Variants in ANK2 observed in about 807,000 individuals in gnomAD.
ANK2 encodes the protein ankyrin-2.
A neutral mutation model predicts 360.5 loss-of-function variants in ANK2; 83 were observed. That is an observed-to-expected ratio of 0.23 (90% confidence interval 0.19 to 0.28). The LOEUF (loss-of-function observed/expected upper bound fraction) is 0.28. Among genes scored for constraint, ANK2 ranks in the 10% least tolerant of loss-of-function variants. ANK2 has a pLI of 1.00. For missense variants in ANK2, 4,201 were observed against 4,795.7 expected (o/e 0.88, Z 3.66); for synonymous variants, 1,740 against 1,759.5 (o/e 0.99, Z 0.28).
intron 4 of ANK2, among the ~76,000 whole-genome samples, chr4:113,231,687 T>A (rs1326652491): frequency 2.0e-5 from 3 of 151,314 alleles, no homozygotes; most frequent in Non-Finnish European, 4.4e-5. Flanking sequence ...CACTGCAACC[T>A]CCGCTTCCCA....
chr4:112,907,500 C>A (rs555750623), intron 2 of ANK2, among the ~76,000 whole-genome samples: 3 of 152,326 alleles, frequency 2.0e-5, no homozygotes, highest in East Asian at 3.9e-4. Context: ...TCTTTCCCCT[C>A]CTCCTCATCC....
At position 113,199,068 on chromosome 4, in the gene ANK2, G is replaced by A. The variant is rs869025359; in HGVS notation, c.343G>A (p.Val115Ile). ...SLAGQAEVVKVLVKEGANINA... is the reference protein window; with the variant it reads ...SLAGQAEVVKILVKEGANINA... ...GGCTGGACAAGCAGAAGTTGTCAAA[G>A]TTCTTGTTAAGGAAGGAGCCAATAT... The change falls in exon 4 of 46, where the codon GTT (valine) becomes ATT (isoleucine). Residue 115 changes from valine to isoleucine, a missense_variant. Physicochemically the swap from Val to Ile is conservative, Grantham distance 29. Around this residue, in one of 4 missense-constraint regions of ANK2, gnomAD observed 169 missense variants for 191.1 expected, o/e 0.88. Transcript: ENST00000357077. 4 of 1,613,436 alleles carry A rather than the reference G, an allele frequency of 2.5e-6. No individual in the cohort carries two copies. The highest frequency in any genetic ancestry group is 3.3e-4 in the Middle Eastern group (2 of 6,058).
chr4:113,169,578 A>C (rs541426852), intron 1 of ANK2, among the ~76,000 whole-genome samples: 2 of 152,252 alleles, frequency 1.3e-5, no homozygotes, highest in Non-Finnish European at 2.9e-5. Context: ...TGTAGGGCGC[A>C]CCATAAGCCA....
At chr4:112,989,143 T>C (rs767628411) in intron 2 of ANK2, among the ~76,000 whole-genome samples, 4 of 152,234 alleles carry the variant, frequency 2.6e-5, no homozygotes, top group Non-Finnish European at 5.9e-5. Context: ...AGAGATCTTG[T>C]TCTGCTCATA....
intron 2 of ANK2, among the ~76,000 whole-genome samples, chr4:112,989,866 G>A (rs1047417759): frequency 1.3e-5 from 2 of 152,050 alleles, no homozygotes; most frequent in Non-Finnish European, 2.9e-5. Context: ...AGTTCATGAC[G>A]GTATCCTTCC....
At chr4:112,763,303 A>T in the ANK2 span, among the ~76,000 whole-genome samples, 1 of 148,616 alleles carries the variant, frequency 6.7e-6, no homozygotes, top group South Asian at 2.1e-4. Context: ...ATCTCCGCTC[A>T]CTGCAAGCTC....
At chr4:113,224,800 G>T (rs1036936103) in intron 4 of ANK2, among the ~76,000 whole-genome samples, 1 of 151,204 alleles carries the variant, frequency 6.6e-6, no homozygotes, top group African/African-American at 2.4e-5. Flanking sequence ...TAGCTGAGTG[G>T]TAATATTGTA....
the ANK2 span, among the ~76,000 whole-genome samples, chr4:112,785,405 GCT>G: frequency 6.7e-6 from 1 of 149,216 alleles, no homozygotes; most frequent in African/African-American, 2.5e-5. Flanking sequence ...ACGGAGTCTT[GCT>G]CTGTCACCCA....
At chr4:113,336,107 A>G (rs368001311) in intron 30 of ANK2, 50 bp downstream of exon 30, 8 of 1,584,612 alleles carry the variant, frequency 5.0e-6, no homozygotes, top group South Asian at 1.1e-5. Context: ...TATTCTAATG[A>G]TTAAAAATTA....
intron 2 of ANK2, chr4:112,980,646 T>C (rs1402729619): frequency 6.6e-6 from 1 of 152,250 alleles, no homozygotes; most frequent in Non-Finnish European, 1.5e-5. Flanking sequence ...CTGAATGCTG[T>C]AATCAAAATA....
intron 34 of ANK2, among the ~76,000 whole-genome samples, chr4:113,345,138 AT>A: frequency 6.6e-6 from 1 of 152,218 alleles, no homozygotes; most frequent in Admixed American, 6.5e-5. Flanking sequence ...ATTCTGACAC[AT>A]GATGCAATAT....
chr4:113,283,228 A>G (rs899603472), intron 18 of ANK2, among the ~76,000 whole-genome samples: 27 of 152,106 alleles, frequency 1.8e-4, no homozygotes, highest in Admixed American at 1.7e-3. Flanking sequence ...GCTGCTCCTC[A>G]TTCTAAATTT....
intron 1 of ANK2, among the ~76,000 whole-genome samples, chr4:112,895,382 T>G (rs1443861766): frequency 6.6e-6 from 1 of 152,138 alleles, no homozygotes; most frequent in African/African-American, 2.4e-5. Flanking sequence ...ATTTCCAATT[T>G]AAAAGAAAAA....
chr4:112,753,479 T>C, the ANK2 span, among the ~76,000 whole-genome samples: 3 of 152,192 alleles, frequency 2.0e-5, no homozygotes, highest in African/African-American at 7.2e-5. Context: ...CAACTCCATC[T>C]TGAACAGGCG....
At chr4:112,740,423 G>A in the ANK2 span, among the ~76,000 whole-genome samples, 7 of 152,056 alleles carry the variant, frequency 4.6e-5, no homozygotes, top group Non-Finnish European at 8.8e-5. Context: ...AATTTGGGGC[G>A]GCTGGGTGCG....
At chr4:113,077,402 A>T (rs924954433) in intron 1 of ANK2, among the ~76,000 whole-genome samples, 8 of 152,160 alleles carry the variant, frequency 5.3e-5, no homozygotes, top group Admixed American at 5.2e-4. Context: ...AGTCCAAAAT[A>T]TTTTCAATAA....
intron 1 of ANK2, among the ~76,000 whole-genome samples, chr4:112,841,971 A>G (rs1366190368): frequency 6.6e-6 from 1 of 152,176 alleles, no homozygotes; most frequent in Non-Finnish European, 1.5e-5. Context: ...GACGTCTTTG[A>G]AGAGGTGAAT....
At chr4:112,972,355 C>T (rs1050609200) in intron 2 of ANK2, among the ~76,000 whole-genome samples, 1 of 152,108 alleles carries the variant, frequency 6.6e-6, no homozygotes, top group Non-Finnish European at 1.5e-5. Flanking sequence ...GCCCCTCACC[C>T]CTCAACAGGC....
chr4:113,120,823 C>T (rs1389954279), intron 1 of ANK2, among the ~76,000 whole-genome samples: 2 of 152,062 alleles, frequency 1.3e-5, no homozygotes, highest in Non-Finnish European at 2.9e-5. Flanking sequence ...GTGTTCTCAT[C>T]ATTTAGTTCA....
Sources: gnomAD v4.1 joint callset for allele counts (sites outside exome capture counted in the v4.1 genomes callset) on GRCh38, gnomAD v4.1.1 for gene constraint, gnomAD v4.1.1 regional missense constraint, MANE v1.5 for transcripts, NCBI Gene and HGNC (gene_info 2026-07-23, HGNC 2026-07-21) for gene names.